GALNT17: variants seen among roughly 807,000 people sequenced by gnomAD.
GALNT17 encodes UDP-GalNAc:polypeptide N-acetylgalactosaminyltransferase-like 3.
A neutral mutation model predicts 63.7 loss-of-function variants in GALNT17; 29 were observed. The observed-to-expected ratio is 0.46, with a 90% CI of 0.34 to 0.62. GALNT17 has a LOEUF of 0.62. GALNT17 is among the 20% of genes least tolerant of loss of function. The pLI is 0.01. For missense variants in GALNT17, 603 were observed against 799.6 expected (o/e 0.75, Z 2.97); for synonymous variants, 305 against 318.3 (o/e 0.96, Z 0.45).
At chr7:71,335,213 C>T (rs891369338) in intron 1 of GALNT17, among the ~76,000 whole-genome samples, 13 of 152,164 alleles carry the variant, frequency 8.5e-5, no homozygotes, top group Admixed American at 6.5e-4. Context: ...CTCACTGCAA[C>T]TTCTGTCTCC....
chr7:71,276,613 G>A (rs755930461), intron 1 of GALNT17, among the ~76,000 whole-genome samples: 3 of 152,134 alleles, frequency 2.0e-5, no homozygotes, highest in Non-Finnish European at 2.9e-5. Flanking sequence ...CATGTAAGAC[G>A]TGGCTTTGCT....
intron 1 of GALNT17, among the ~76,000 whole-genome samples, chr7:71,231,356 G>A (rs2116445655): frequency 6.6e-6 from 1 of 152,016 alleles, no homozygotes; most frequent in Middle Eastern, 3.4e-3. Flanking sequence ...GGATTTAGTA[G>A]ATATAGGATG....
chr7:71,695,991 A>G (rs890455854), intron 9 of GALNT17, among the ~76,000 whole-genome samples: 14 of 152,264 alleles, frequency 9.2e-5, no homozygotes, highest in Non-Finnish European at 1.3e-4. Context: ...CTTGCCAGTC[A>G]TAAGAAACCA....
intron 1 of GALNT17, among the ~76,000 whole-genome samples, chr7:71,261,333 T>C (rs954164761): frequency 7.2e-5 from 11 of 152,084 alleles, no homozygotes; most frequent in African/African-American, 2.7e-4. Flanking sequence ...TTGAGGAAGT[T>C]ATTTGACTGC....
intron 6 of GALNT17, among the ~76,000 whole-genome samples, chr7:71,591,905 C>T (rs535038764): frequency 7.9e-5 from 12 of 152,300 alleles, no homozygotes; most frequent in African/African-American, 2.2e-4. Flanking sequence ...TCAGGTGATC[C>T]GCCTGCCTCG....
intron 6 of GALNT17, among the ~76,000 whole-genome samples, chr7:71,637,760 A>C (rs956493109): frequency 1.3e-5 from 2 of 152,190 alleles, no homozygotes; most frequent in Non-Finnish European, 2.9e-5. Flanking sequence ...CTCAGCCAGC[A>C]TGTCAGACCA....
intron 1 of GALNT17, among the ~76,000 whole-genome samples, chr7:71,166,386 G>T (rs1344020405): frequency 3.3e-5 from 5 of 152,056 alleles, no homozygotes; most frequent in Non-Finnish European, 7.4e-5. Context: ...ACGTTTAAAG[G>T]GTACAATTTG....
intron 2 of GALNT17, among the ~76,000 whole-genome samples, chr7:71,349,903 T>C (rs1278445813): frequency 1.3e-5 from 2 of 152,222 alleles, no homozygotes; most frequent in Non-Finnish European, 1.5e-5. Context: ...ATCTTCATTG[T>C]GATGAATGCA....
intron 5 of GALNT17, among the ~76,000 whole-genome samples, chr7:71,451,840 T>A: frequency 6.6e-6 from 1 of 152,290 alleles, no homozygotes; most frequent in African/African-American, 2.4e-5. Context: ...ACCAAATCAA[T>A]TTTTTAAATA....
intron 1 of GALNT17, among the ~76,000 whole-genome samples, chr7:71,143,793 A>G (rs1454486701): frequency 6.6e-6 from 1 of 151,900 alleles, no homozygotes. Flanking sequence ...TAATCCCAAC[A>G]CTTCGTGAGG....
At chr7:71,634,242 A>T (rs1790496956) in intron 6 of GALNT17, among the ~76,000 whole-genome samples, 1 of 152,068 alleles carries the variant, frequency 6.6e-6, no homozygotes, top group South Asian at 2.1e-4. Context: ...GAAGATGGGG[A>T]GTGCCATGGT....
chr7:71,279,159 G>A (rs1790736347), intron 1 of GALNT17, among the ~76,000 whole-genome samples: 2 of 151,606 alleles, frequency 1.3e-5, no homozygotes, highest in Non-Finnish European at 2.9e-5. Context: ...TCCTTACCTC[G>A]TGATCTGCCC....
intron 3 of GALNT17, among the ~76,000 whole-genome samples, chr7:71,399,727 T>C (rs552105917): frequency 3.9e-4 from 60 of 152,344 alleles, no homozygotes; most frequent in African/African-American, 1.4e-3. Context: ...AGGTATGTGG[T>C]AATGTCACAT....
chr7:71,326,237 C>T (rs563999057), intron 1 of GALNT17, among the ~76,000 whole-genome samples: 4 of 152,238 alleles, frequency 2.6e-5, no homozygotes, highest in South Asian at 2.1e-4. Context: ...GCGGGGGGAT[C>T]GCTTGAGTCC....
chr7:71,459,312 G>A (rs1471148045), intron 5 of GALNT17, among the ~76,000 whole-genome samples: 3 of 152,136 alleles, frequency 2.0e-5, no homozygotes, highest in African/African-American at 7.2e-5. Flanking sequence ...ATTACAGCTG[G>A]GCATTTGCCT....
At chr7:71,536,120 C>CT (rs1170072894) in intron 5 of GALNT17, among the ~76,000 whole-genome samples, 2 of 152,348 alleles carry the variant, frequency 1.3e-5, no homozygotes, top group East Asian at 3.9e-4. Flanking sequence ...ATATCAGTGA[C>CT]TGTTCATAGC....
chr7:71,488,658 C>T (rs936710031), intron 5 of GALNT17, among the ~76,000 whole-genome samples: 1 of 147,044 alleles, frequency 6.8e-6, no homozygotes, highest in Admixed American at 7.0e-5. Context: ...TGGCTCACTG[C>T]AACCTCTGCC....
At chr7:71,606,975 C>G (rs9638296) in intron 6 of GALNT17, among the ~76,000 whole-genome samples, 71,625 of 152,012 alleles carry the variant, frequency 0.47, 18,202 homozygotes, top group East Asian at 0.75. Context: ...AATGGCCCAT[C>G]CCCACAAGAT....
At chr7:71,630,457 G>A (rs2116987827) in intron 6 of GALNT17, among the ~76,000 whole-genome samples, 1 of 152,268 alleles carries the variant, frequency 6.6e-6, no homozygotes, top group Admixed American at 6.5e-5. Context: ...TTGTCTGGCT[G>A]ACTCTGCATT....
Sources: gnomAD v4.1 joint callset for allele counts (sites outside exome capture counted in the v4.1 genomes callset) on GRCh38, gnomAD v4.1.1 for gene constraint, MANE v1.5 for transcripts, NCBI Gene and HGNC (gene_info 2026-07-23, HGNC 2026-07-21) for gene names.